Variants in DLGAP4 observed in about 807,000 individuals in gnomAD.
DLGAP4 encodes DLG associated protein 4.
In DLGAP4, 18 loss-of-function variants were observed where a neutral mutation model predicts 86.9. That is an observed-to-expected ratio of 0.21 (90% confidence interval 0.14 to 0.31). DLGAP4 has a LOEUF of 0.31. DLGAP4 is among the 10% of genes least tolerant of loss of function. DLGAP4 has a pLI of 1.00. For missense variants in DLGAP4, 1,085 were observed against 1,362.6 expected (o/e 0.80, Z 3.21); for synonymous variants, 548 against 574.3 (o/e 0.95, Z 0.65).
At chr20:36,398,027 A>C (rs2032049743) in intron 2 of DLGAP4, among the ~76,000 whole-genome samples, 1 of 152,224 alleles carries the variant, frequency 6.6e-6, no homozygotes, top group Non-Finnish European at 1.5e-5. Context: ...AGGCTGAGGC[A>C]AGAGAATCGC....
intron 7 of DLGAP4, chr20:36,492,275 C>G (rs1483787188): frequency 1.3e-5 from 2 of 152,398 alleles, no homozygotes; most frequent in African/African-American, 4.8e-5. Context: ...TGAGGGGTGC[C>G]TGTCCCCCAG....
In DLGAP4 at chr20:36,526,879, G is replaced by A. The variant is rs114982034; in HGVS notation, c.2827G>A (p.Asp943Asn). The A allele has an allele frequency of 1.4e-5, 22 of 1,612,800 alleles. No homozygotes were observed. Among genetic ancestry groups the A allele is most frequent in the African/African-American group, 1.3e-4 (10 of 74,926 alleles). Reference protein sequence around the residue: ...PAKSKPAVSRDKASDASDKQR... With the variant: ...PAKSKPAVSRNKASDASDKQR... ...CAAATCCAAGCCGGCAGTGAGCCGC[G>A]ACAAGGCCTCAGACGCCAGCGACAA... The change falls in exon 13 of 13, where the codon GAC (aspartate) becomes AAC (asparagine). Residue 943 changes from aspartate (D) to asparagine (N), a missense_variant. Asp to Asn is a conservative substitution (Grantham distance 23). Transcript: ENST00000339266.
At chr20:36,344,067 G>A (rs1394603619) in intron 1 of DLGAP4, among the ~76,000 whole-genome samples, 11 of 152,156 alleles carry the variant, frequency 7.2e-5, no homozygotes, top group African/African-American at 2.2e-4. Context: ...CCGGGAGGTG[G>A]AACTGTGGGT....
intron 10 of DLGAP4, among the ~76,000 whole-genome samples, chr20:36,517,474 C>G (rs1308621250): frequency 6.6e-6 from 1 of 152,084 alleles, no homozygotes; most frequent in Non-Finnish European, 1.5e-5. Context: ...AACGTGTTGG[C>G]CAGGTTGACC....
At chr20:36,395,756 C>T (rs1201387341) in intron 2 of DLGAP4, among the ~76,000 whole-genome samples, 1 of 152,148 alleles carries the variant, frequency 6.6e-6, no homozygotes, top group Non-Finnish European at 1.5e-5. Context: ...GCCTCGGCCT[C>T]CCAAAGTCCC....
At chr20:36,510,261 T>C (rs1175770351) in intron 10 of DLGAP4, among the ~76,000 whole-genome samples, 1 of 152,062 alleles carries the variant, frequency 6.6e-6, no homozygotes, top group Non-Finnish European at 1.5e-5. Flanking sequence ...TTTTCATTTA[T>C]TTGTTATTTA....
Position 36,308,078 on chromosome 20 carries a change from TC to T in DLGAP4, c.-304+1568del, listed in dbSNP as rs782624556. Among the ~76,000 whole-genome samples, 16 of 152,270 alleles carry T rather than the reference TC, an allele frequency of 1.1e-4. No individual in the cohort carries two copies. In the East Asian group the frequency reaches 1.2e-3, roughly 11 times the overall value. Reference sequence around the variant, plus strand: ...CTGTCGGGGCCAGTCAGCAGCAGACTCCGAGTGTGTTCCCAGCAGCTCCGGA... The same window carrying T: ...CTGTCGGGGCCAGTCAGCAGCAGACTCGAGTGTGTTCCCAGCAGCTCCGGA... On this transcript the variant is annotated intron_variant, in intron 1 of 12. Transcript: ENST00000339266. This position sits in a 1 kb window ranked among gnomAD's most constrained non-coding sequence, Gnocchi z 4.5.
intron 2 of DLGAP4, among the ~76,000 whole-genome samples, chr20:36,375,971 C>T (rs986909980): frequency 2.0e-5 from 3 of 152,062 alleles, no homozygotes; most frequent in Admixed American, 2.0e-4. Context: ...CCACTGTACT[C>T]CACCCTAGGC....
chr20:36,503,892 A>C (rs1480386655), intron 10 of DLGAP4, among the ~76,000 whole-genome samples: 3 of 152,180 alleles, frequency 2.0e-5, no homozygotes, highest in Non-Finnish European at 4.4e-5. Flanking sequence ...TTTGTTGCTG[A>C]ATAATATTTC....
chr20:36,526,240 G>C (rs2037750406), intron 12 of DLGAP4: 1 of 634,660 alleles, frequency 1.6e-6, no homozygotes, highest in Non-Finnish European at 2.8e-6. Flanking sequence ...GTCCAGAAAA[G>C]GGGATCCTGG....
chr20:36,518,911 T>G lies in DLGAP4; in HGVS notation c.2513-5339T>G, dbSNP rs552481171. On this transcript the variant is annotated intron_variant, in intron 10 of 12. Transcript: ENST00000339266. ...GGCAGGCGGATCACGAGGTCAGGAG[T>G]TCGAGACTAGCCTGGTCAACATCGT... Among the ~76,000 whole-genome samples the G allele has an allele frequency of 2.6e-5, 4 of 151,272 alleles. No homozygotes were observed. In the South Asian group the frequency reaches 8.4e-4, roughly 32 times the overall value.
At chr20:36,343,290 A>C (rs1260774921) in intron 1 of DLGAP4, among the ~76,000 whole-genome samples, 1 of 152,106 alleles carries the variant, frequency 6.6e-6, no homozygotes, top group African/African-American at 2.4e-5. Context: ...GCCAAGAAAG[A>C]CCCAAGCCTG....
At position 36,500,706 on chromosome 20, in the gene DLGAP4, G is replaced by GTCTCTTAGGT; in HGVS notation, c.2512+102_2512+111dup. The GTCTCTTAGGT allele has an allele frequency of 1.5e-5, 18 of 1,230,778 alleles. No individual in the cohort carries two copies. The highest frequency in any genetic ancestry group is 1.9e-5 in the Non-Finnish European group (18 of 932,638). 76.2% of individuals were successfully genotyped at this position (1,230,778 alleles called of 1,614,324 possible). A position where few individuals can be genotyped will look rare whatever the true frequency, so the allele number is the denominator to read the frequency against. On this transcript the variant is annotated intron_variant, in intron 10 of 12. Coordinates refer to ENST00000339266, the MANE Select transcript of DLGAP4 (RefSeq NM_001365621.2). This position sits in a 1 kb window ranked among gnomAD's most constrained non-coding sequence, Gnocchi z 4.6. ...GCAGCTTCCGAACTTCTGAGTGGGG[G>GTCTCTTAGGT]TCTCTTAGGTTCTCTTCTTGGGCTA...
At chr20:36,472,347 A>G (rs1030506732) in intron 7 of DLGAP4, among the ~76,000 whole-genome samples, 6 of 152,032 alleles carry the variant, frequency 3.9e-5, no homozygotes, top group African/African-American at 1.4e-4. Flanking sequence ...ATAAAAAAAT[A>G]CAAAAATTAG....
chr20:36,520,833 T>G (rs1261926703), intron 10 of DLGAP4, among the ~76,000 whole-genome samples: 1 of 148,824 alleles, frequency 6.7e-6, no homozygotes, highest in Non-Finnish European at 1.5e-5. Context: ...TGTTTTCATC[T>G]GAGAGTTTTG....
intron 1 of DLGAP4, among the ~76,000 whole-genome samples, chr20:36,326,374 TA>T (rs1236336536): frequency 2.6e-5 from 4 of 152,248 alleles, no homozygotes; most frequent in Non-Finnish European, 4.4e-5. Context: ...ATTATAGCCA[TA>T]ACTGTTTTAT....
intron 7 of DLGAP4, among the ~76,000 whole-genome samples, chr20:36,478,144 T>A (rs758907148): frequency 6.6e-6 from 1 of 152,192 alleles, no homozygotes. Context: ...TTCATGGTGA[T>A]CATCTTGTCC....
chr20:36,338,650 G>A (rs2065346371), intron 1 of DLGAP4, among the ~76,000 whole-genome samples: 1 of 152,232 alleles, frequency 6.6e-6, no homozygotes, highest in African/African-American at 2.4e-5. Flanking sequence ...CAAGGCCCTG[G>A]GCCGACTGGC....
intron 10 of DLGAP4, among the ~76,000 whole-genome samples, chr20:36,519,358 T>C (rs192820539): frequency 1.3e-5 from 2 of 152,304 alleles, no homozygotes. Context: ...TGGCCAAGAA[T>C]GTGGTCATTT....
Sources: gnomAD v4.1 joint callset for allele counts (sites outside exome capture counted in the v4.1 genomes callset) on GRCh38, gnomAD v4.1.1 for gene constraint, Gnocchi (gnomAD v3.1) non-coding constraint, MANE v1.5 for transcripts, NCBI Gene and HGNC (gene_info 2026-07-23, HGNC 2026-07-21) for gene names.